The following TNRC6A variants were observed in gnomAD, a reference collection of about 807,000 sequenced individuals.
The protein encoded by TNRC6A is trinucleotide repeat-containing gene 6A protein.
Under a neutral mutation model 221.2 loss-of-function variants are expected in TNRC6A, and 44 were observed. That is an observed-to-expected ratio of 0.20 (90% CI 0.16 to 0.26). The LOEUF is 0.26. Ranked by LOEUF, TNRC6A falls within the 10% of genes least tolerant of loss-of-function variation. The pLI, the probability that TNRC6A is intolerant of heterozygous loss-of-function variation, is 1.00. For synonymous variants in TNRC6A, 847 were observed against 838.5 expected (o/e 1.01, Z -0.18); for missense variants, 2,199 against 2,404.4 (o/e 0.91, Z 1.79).
At chr16:24,703,083 C>A (rs7184880) in intron 2 of TNRC6A, among the ~76,000 whole-genome samples, 75,979 of 148,348 alleles carry the variant, frequency 0.51, 20,652 homozygotes, top group East Asian at 0.86. Flanking sequence ...AATAAAGCAT[C>A]CAATTCAATG....
intron 4 of TNRC6A, among the ~76,000 whole-genome samples, chr16:24,763,309 G>T (rs1216033582): frequency 6.6e-6 from 1 of 152,168 alleles, no homozygotes; most frequent in Non-Finnish European, 1.5e-5. Flanking sequence ...TCTTCAAAGG[G>T]TGGAGGACCC....
chr16:24,674,355 T>C (rs1042005073), intron 2 of TNRC6A, among the ~76,000 whole-genome samples: 4 of 152,120 alleles, frequency 2.6e-5, no homozygotes, highest in Non-Finnish European at 5.9e-5. Flanking sequence ...CGGTGAGCTA[T>C]GATCATGCCA....
At chr16:24,818,739 C>G (rs764902795) in intron 21 of TNRC6A, 39 bp downstream of exon 21, 1 of 1,496,942 alleles carries the variant, frequency 6.7e-7, no homozygotes, top group Admixed American at 1.7e-5. Flanking sequence ...GGGTTGGTCA[C>G]AGCCAGAGCC....
chr16:24,741,024 A>G (rs973876472), intron 2 of TNRC6A, among the ~76,000 whole-genome samples: 3 of 152,254 alleles, frequency 2.0e-5, no homozygotes, highest in Non-Finnish European at 2.9e-5. Flanking sequence ...GAACATGTTC[A>G]TTAGTTCCAG....
chr16:24,805,641 G>A lies in TNRC6A; in HGVS notation c.4159G>A (p.Gly1387Ser), dbSNP rs371856100. Residue 1387 changes from glycine (G) to serine (S), a missense_variant, in exon 15 of 25, where the codon GGT (glycine) becomes AGT (serine). Around this residue, in one of 8 missense-constraint regions of TNRC6A, gnomAD observed 449 missense variants for 579.7 expected, o/e 0.77. Coordinates refer to ENST00000395799, the MANE Select transcript of TNRC6A (RefSeq NM_014494.4). ...VSLLKYAPNN[G>S]GLNPLFGPQQ... Reference sequence around the variant, plus strand: ...ATTGCTGAAGTATGCACCAAACAACGGTGGCCTGAATCCACTCTTTGGCCC... The same window carrying A: ...ATTGCTGAAGTATGCACCAAACAACAGTGGCCTGAATCCACTCTTTGGCCC... 17 of 1,614,062 alleles carry A rather than the reference G, an allele frequency of 1.1e-5. No homozygotes were observed. Among genetic ancestry groups the A allele is most frequent in the African/African-American group, 5.3e-5 (4 of 74,930 alleles).
chr16:24,653,501 C>T (rs907895329), intron 2 of TNRC6A, among the ~76,000 whole-genome samples: 1 of 152,094 alleles, frequency 6.6e-6, no homozygotes. Context: ...AACTGCCAGG[C>T]GCGGTGGCTC....
chr16:24,635,434 C>T (rs1271648579), intron 1 of TNRC6A, among the ~76,000 whole-genome samples: 1 of 152,010 alleles, frequency 6.6e-6, no homozygotes, highest in Non-Finnish European at 1.5e-5. Flanking sequence ...AGGAGCCCAC[C>T]ACCACGCCCA....
intron 3 of TNRC6A, among the ~76,000 whole-genome samples, chr16:24,753,684 G>A (rs1454678209): frequency 1.3e-5 from 2 of 152,226 alleles, no homozygotes; most frequent in Admixed American, 1.3e-4. Flanking sequence ...GTAGGAGCCA[G>A]CAGGTGTATC....
At chr16:24,717,450 A>C (rs747259830) in intron 2 of TNRC6A, among the ~76,000 whole-genome samples, 1 of 152,220 alleles carries the variant, frequency 6.6e-6, no homozygotes, top group Non-Finnish European at 1.5e-5. Flanking sequence ...GTAGGGAAGC[A>C]ACCAATGATT....
At chr16:24,683,369 A>T (rs920115653) in intron 2 of TNRC6A, among the ~76,000 whole-genome samples, 2 of 151,896 alleles carry the variant, frequency 1.3e-5, no homozygotes, top group African/African-American at 2.4e-5. Flanking sequence ...GCAATTTTTT[A>T]AATTATTTTG....
chr16:24,777,826 A>G (rs1408621914), intron 5 of TNRC6A, among the ~76,000 whole-genome samples: 1 of 152,190 alleles, frequency 6.6e-6, no homozygotes, highest in Non-Finnish European at 1.5e-5. Flanking sequence ...GCACTCATAG[A>G]AATTATATTC....
At chr16:24,645,887 C>G (rs752571826) in intron 2 of TNRC6A, among the ~76,000 whole-genome samples, 70 of 132,600 alleles carry the variant, frequency 5.3e-4, no homozygotes, top group Non-Finnish European at 9.8e-4. Context: ...CATGATGGTG[C>G]GTGCATCTGT....
At chr16:24,778,559 C>T in intron 5 of TNRC6A, 1 of 917,354 alleles carries the variant, frequency 1.1e-6, no homozygotes, top group Non-Finnish European at 1.3e-6. Context: ...AATTTCCCAG[C>T]ACCTTATTAC....
At chr16:24,651,648 C>G (rs1334162429) in intron 2 of TNRC6A, among the ~76,000 whole-genome samples, 2 of 151,016 alleles carry the variant, frequency 1.3e-5, no homozygotes, top group African/African-American at 4.9e-5. Context: ...CACTTGAGCC[C>G]AGGAGTTTGA....
chr16:24,717,770 C>CTTTTTTTTTTTTTT (rs71383705), intron 2 of TNRC6A, among the ~76,000 whole-genome samples: 7 of 107,384 alleles, frequency 6.5e-5, no homozygotes, highest in Middle Eastern at 5.1e-3. Flanking sequence ...TTTTTTTTTT[C>CTTTTTTTTTTTTTT]TTTTTTTTTT....
intron 1 of TNRC6A, among the ~76,000 whole-genome samples, chr16:24,611,126 T>C (rs888469297): frequency 2.6e-5 from 4 of 152,092 alleles, no homozygotes; most frequent in Non-Finnish European, 5.9e-5. Context: ...TTTTCTTTTT[T>C]ATTCACATAC....
intron 2 of TNRC6A, among the ~76,000 whole-genome samples, chr16:24,652,014 C>T (rs1902697430): frequency 6.6e-6 from 1 of 151,646 alleles, no homozygotes; most frequent in Non-Finnish European, 1.5e-5. Context: ...GAATGGTTCT[C>T]TCTGTGCCTC....
intron 2 of TNRC6A, among the ~76,000 whole-genome samples, chr16:24,687,828 A>G (rs796159814): frequency 1.2e-4 from 14 of 114,418 alleles, no homozygotes; most frequent in African/African-American, 3.3e-4. Context: ...AAGAGGAAGA[A>G]GAGGAAGAGG....
intron 2 of TNRC6A, among the ~76,000 whole-genome samples, chr16:24,687,697 C>A (rs968422716): frequency 6.6e-6 from 1 of 151,896 alleles, no homozygotes. Context: ...AGTCTAGGGG[C>A]TGAGGCAGGA....
Sources: gnomAD v4.1 joint callset for allele counts (sites outside exome capture counted in the v4.1 genomes callset) on GRCh38, gnomAD v4.1.1 for gene constraint, gnomAD v4.1.1 regional missense constraint, MANE v1.5 for transcripts, NCBI Gene and HGNC (gene_info 2026-07-23, HGNC 2026-07-21) for gene names.